The following RALGPS2 variants were observed in gnomAD, a reference collection of about 807,000 sequenced individuals.
The protein encoded by RALGPS2 is ras-specific guanine nucleotide-releasing factor RalGPS2.
In RALGPS2, 43 loss-of-function variants were observed where a neutral mutation model predicts 86.8. That is an observed-to-expected ratio of 0.50 (90% confidence interval 0.39 to 0.64). The LOEUF is 0.64. Ranked by LOEUF, RALGPS2 falls within the 30% of genes least tolerant of loss-of-function variation. The pLI is 0.00. For synonymous variants in RALGPS2, 243 were observed against 231.3 expected (o/e 1.05, Z -0.46); for missense variants, 536 against 694.6 (o/e 0.77, Z 2.57).
intron 8 of RALGPS2, among the ~76,000 whole-genome samples, chr1:178,847,771 C>G (rs1428256260): frequency 6.6e-6 from 1 of 152,144 alleles, no homozygotes; most frequent in Non-Finnish European, 1.5e-5. Flanking sequence ...GAATAGCACT[C>G]TCCTGTCATG....
At chr1:178,791,322 T>A (rs1305075112) in intron 4 of RALGPS2, among the ~76,000 whole-genome samples, 2 of 141,560 alleles carry the variant, frequency 1.4e-5, no homozygotes, top group Non-Finnish European at 3.0e-5. Flanking sequence ...AGAGACAAGG[T>A]CTTACTACGT....
At chr1:178,751,989 G>T (rs1356483128) in intron 1 of RALGPS2, among the ~76,000 whole-genome samples, 1 of 152,076 alleles carries the variant, frequency 6.6e-6, no homozygotes, top group Non-Finnish European at 1.5e-5. Flanking sequence ...ATAATTGTGG[G>T]TTCTCACTAT....
chr1:178,798,685 G>A (rs1409082796), intron 4 of RALGPS2, among the ~76,000 whole-genome samples: 1 of 151,956 alleles, frequency 6.6e-6, no homozygotes. Flanking sequence ...TCATACACCA[G>A]CAGGTATGGA....
chr1:178,750,068 G>A (rs1259613630), intron 1 of RALGPS2, among the ~76,000 whole-genome samples: 1 of 152,092 alleles, frequency 6.6e-6, no homozygotes, highest in African/African-American at 2.4e-5. Context: ...CCAGTATCAC[G>A]CCACTGTTCG....
At chr1:178,788,404 G>A (rs537663456) in intron 4 of RALGPS2, among the ~76,000 whole-genome samples, 1 of 152,326 alleles carries the variant, frequency 6.6e-6, no homozygotes, top group East Asian at 1.9e-4. Context: ...TTTGGGTGAG[G>A]TTAGCTATAG....
At chr1:178,797,057 A>C (rs1480387201) in intron 4 of RALGPS2, among the ~76,000 whole-genome samples, 1 of 152,214 alleles carries the variant, frequency 6.6e-6, no homozygotes, top group Non-Finnish European at 1.5e-5. Flanking sequence ...GCTTATTTAC[A>C]TAGTATACTC....
chr1:178,810,646 A>G (rs1654934451), intron 5 of RALGPS2, among the ~76,000 whole-genome samples: 1 of 151,698 alleles, frequency 6.6e-6, no homozygotes, highest in African/African-American at 2.4e-5. Flanking sequence ...TATACTTTAT[A>G]TTTACATATA....
chr1:178,834,249 TA>T (rs1656162531), intron 8 of RALGPS2, among the ~76,000 whole-genome samples: 1 of 152,298 alleles, frequency 6.6e-6, no homozygotes, highest in East Asian at 1.9e-4. Flanking sequence ...TAGCATACAT[TA>T]AAATGAATTG....
chr1:178,782,789 TA>T (rs912732229), intron 2 of RALGPS2, among the ~76,000 whole-genome samples: 2 of 151,826 alleles, frequency 1.3e-5, no homozygotes, highest in Admixed American at 1.3e-4. Context: ...CAACAGAGGA[TA>T]AAAAAATGAT....
intron 14 of RALGPS2, among the ~76,000 whole-genome samples, chr1:178,891,902 G>A (rs976799760): frequency 3.0e-5 from 4 of 133,000 alleles, no homozygotes; most frequent in African/African-American, 1.3e-4. Flanking sequence ...AAGAATTTTT[G>A]AAGTATTTTT....
At chr1:178,837,782 G>C (rs898300072) in intron 8 of RALGPS2, among the ~76,000 whole-genome samples, 1 of 152,150 alleles carries the variant, frequency 6.6e-6, no homozygotes, top group African/African-American at 2.4e-5. Context: ...TCCTAACCAA[G>C]GGAAGGTGTG....
chr1:178,760,117 G>A (rs2102062899), intron 1 of RALGPS2, among the ~76,000 whole-genome samples: 1 of 152,228 alleles, frequency 6.6e-6, no homozygotes, highest in East Asian at 1.9e-4. Flanking sequence ...CCAGTACTGT[G>A]TTGAATAACA....
chr1:178,896,725 T>C (rs1466834663), intron 16 of RALGPS2, among the ~76,000 whole-genome samples: 4 of 147,118 alleles, frequency 2.7e-5, no homozygotes, highest in African/African-American at 7.7e-5. Flanking sequence ...GGTTTTTTGT[T>C]CTTGCGATAG....
Position 178,872,679 on chromosome 1 carries a change from T to C in RALGPS2, c.608-4819T>C, listed in dbSNP as rs145946728. 5.7e-3 allele frequency among the ~76,000 whole-genome samples: 875 copies of C among 152,350 alleles called. 11 individuals carry two copies. Among genetic ancestry groups the C allele is most frequent in the African/African-American group, 0.02 (834 of 41,588 alleles). ...TCAGTAATTATGTTGTAGTCACTAA[T>C]GGCTTAAATCTGGGAAAAATAAGAG... On this transcript the variant is annotated intron_variant, in intron 8 of 19. Transcript: ENST00000367635.
In RALGPS2 at chr1:178,812,977, G is replaced by A. The variant is rs549102113; in HGVS notation, c.387+1573G>A. ...AGGTGGTGTTGCGCTCTGTGGCCCA[G>A]GCTGGAGTGCAGTGGTGCGATCTCG... is the stretch of plus-strand genomic sequence containing the variant. On this transcript the variant is annotated intron_variant, in intron 6 of 19. Transcript: ENST00000367635. Among the ~76,000 whole-genome samples, 52 of 146,982 alleles carry A rather than the reference G, an allele frequency of 3.5e-4. No individual in the cohort carries two copies. The Middle Eastern group carries it at 0.011, about 30-fold the overall frequency.
chr1:178,741,672 A>C (rs1651032872), intron 1 of RALGPS2, among the ~76,000 whole-genome samples: 1 of 152,230 alleles, frequency 6.6e-6, no homozygotes, highest in African/African-American at 2.4e-5. Flanking sequence ...GTTGTAGCTA[A>C]GAAGCCAACA....
intron 8 of RALGPS2, among the ~76,000 whole-genome samples, chr1:178,876,923 A>G (rs1659030489): frequency 6.6e-6 from 1 of 152,170 alleles, no homozygotes; most frequent in African/African-American, 2.4e-5. Flanking sequence ...AATGTAAAAC[A>G]TTTCTACCAG....
intron 8 of RALGPS2, among the ~76,000 whole-genome samples, chr1:178,855,075 C>T (rs114318616): frequency 0.012 from 1,770 of 152,164 alleles, 53 homozygotes; most frequent in African/African-American, 0.04. Flanking sequence ...AGAGTTTAGT[C>T]AAGTAAAGTT....
At chr1:178,849,220 C>T (rs1353457191) in intron 8 of RALGPS2, among the ~76,000 whole-genome samples, 3 of 152,124 alleles carry the variant, frequency 2.0e-5, no homozygotes, top group African/African-American at 7.2e-5. Flanking sequence ...AGAGCTGGGC[C>T]ACAGACCCAA....
Sources: allele counts gnomAD v4.1 joint callset (sites outside exome capture counted in the v4.1 genomes callset), GRCh38; gene constraint gnomAD v4.1.1; transcripts MANE v1.5; gene names NCBI Gene and HGNC (gene_info 2026-07-23, HGNC 2026-07-21).